The following RNF34 variants were observed in gnomAD, a reference collection of about 807,000 sequenced individuals.
The protein encoded by RNF34 is ring finger protein 34, also known as E3 ubiquitin-protein ligase RNF34.
Under a neutral mutation model 37.9 loss-of-function variants are expected in RNF34, and 12 were observed. The observed-to-expected ratio is 0.32, with a 90% CI of 0.20 to 0.51. The LOEUF is 0.51. Ranked by LOEUF, RNF34 falls within the 20% of genes least tolerant of loss-of-function variation. The pLI, the probability that RNF34 is intolerant of heterozygous loss-of-function variation, is 0.97. For synonymous variants in RNF34, 155 were observed against 177.2 expected (o/e 0.87, Z 1.00); for missense variants, 362 against 472.7 (o/e 0.77, Z 2.17).
intron 1 of RNF34, among the ~76,000 whole-genome samples, chr12:121,406,851 T>C (rs1870589878): frequency 6.6e-6 from 1 of 152,200 alleles, no homozygotes. Context: ...CTATGTTGTT[T>C]TAAACTACAT....
At chr12:121,405,796 C>CT (rs1199533719) in intron 1 of RNF34, among the ~76,000 whole-genome samples, 121 of 137,630 alleles carry the variant, frequency 8.8e-4, no homozygotes, top group African/African-American at 7.5e-4. Flanking sequence ...TGTCTTATTT[C>CT]TTTTTTTTTT....
intron 3 of RNF34, chr12:121,418,199 G>T (rs1208527768): frequency 2.8e-6 from 1 of 360,562 alleles, no homozygotes; most frequent in African/African-American, 2.1e-5. Context: ...AACTGTTGAA[G>T]AAATGGCTGT....
At chr12:121,402,730 T>C in intron 1 of RNF34, 3 of 1,566,570 alleles carry the variant, frequency 1.9e-6, no homozygotes, top group Non-Finnish European at 8.7e-7. Flanking sequence ...TTCCTTTTTT[T>C]TTCTCTGAAA....
chr12:121,407,016 A>T (rs1870608085), intron 1 of RNF34, among the ~76,000 whole-genome samples: 1 of 152,212 alleles, frequency 6.6e-6, no homozygotes, highest in Admixed American at 6.5e-5. Flanking sequence ...TCCCGCCAGC[A>T]GGTAGTGAAC....
At chr12:121,406,609 T>TA (rs1167981082) in intron 1 of RNF34, among the ~76,000 whole-genome samples, 2 of 152,186 alleles carry the variant, frequency 1.3e-5, no homozygotes, top group Non-Finnish European at 2.9e-5. Flanking sequence ...TTAAATACGA[T>TA]ACCTGGTTTT....
intron 3 of RNF34, among the ~76,000 whole-genome samples, chr12:121,419,386 C>T (rs144970416): frequency 4.6e-5 from 7 of 152,328 alleles, no homozygotes; most frequent in African/African-American, 1.7e-4. Context: ...GTCTCCTAGT[C>T]GTCAAGCAAC....
rs973331921 is a variant in RNF34, at chr12:121,406,773, A to G, written c.6+6555A>G. ...TGACTAGAAAATAAACTCCAAACAC[A>G]GGTGAATTCTCTGAGCTTGGAGTTT... On this transcript the variant is annotated intron_variant, in intron 1 of 5. Coordinates refer to ENST00000361234, the MANE Select transcript of RNF34 (RefSeq NM_025126.4). Among the ~76,000 whole-genome samples, 9 of 152,310 alleles carry G rather than the reference A, an allele frequency of 5.9e-5. No homozygotes were observed. In the South Asian group the frequency reaches 1.7e-3, roughly 28 times the overall value.
In RNF34 at chr12:121,419,192, C is replaced by T. The variant is rs1017802227; in HGVS notation, c.634-1050C>T. ...TTTTGTGTTTAGATATGTTTAGATA[C>T]ACAAATACTTATTACTGTGTTATAG... On this transcript the variant is annotated intron_variant, in intron 3 of 5. Coordinates refer to ENST00000361234, the MANE Select transcript of RNF34 (RefSeq NM_025126.4). Among the ~76,000 whole-genome samples the T allele has an allele frequency of 1.8e-4, 28 of 152,138 alleles. 1 individual carries two copies. The highest frequency in any genetic ancestry group is 6.5e-4 in the African/African-American group (27 of 41,412).
At position 121,416,356 on chromosome 12, in the gene RNF34, A is replaced by G. The variant is rs374454541; in HGVS notation, c.204A>G (p.Ser68=). The G allele has an allele frequency of 6.8e-6, 11 of 1,612,472 alleles. No individual in the cohort carries two copies. Among genetic ancestry groups the G allele is most frequent in the Admixed American group, 1.7e-5 (1 of 59,998 alleles). Reference sequence around the variant, plus strand: ...TAGTTTGTAAAGCCTGTGGGCTTTCATTTTCAGTCTTTAGAAAGAAGGTGA... The same window carrying G: ...TAGTTTGTAAAGCCTGTGGGCTTTCGTTTTCAGTCTTTAGAAAGAAGGTGA... ...PNIVCKACGL[S]FSVFRKKHVC... is the part of the protein sequence containing the mutation. The change falls in exon 2 of 6, where the codon TCA becomes TCG. Residue 68 remains serine, a synonymous_variant. Coordinates refer to ENST00000361234, the MANE Select transcript of RNF34 (RefSeq NM_025126.4).
rs1247745696 is a variant in RNF34, at chr12:121,423,913, T to A, written c.*337T>A. On this transcript the variant is annotated 3_prime_UTR_variant, in exon 6 of 6. Transcript: ENST00000361234. This position sits in a 1 kb window ranked among gnomAD's most constrained non-coding sequence, Gnocchi z 4.3. ...CTGTTCTCTTATTTCCCCTTCATCC[T>A]ATTTTTAACTTAAACTGCTCAGATG... is the stretch of plus-strand genomic sequence containing the variant. 8 of 220,748 alleles carry A rather than the reference T, an allele frequency of 3.6e-5. No homozygotes were observed. The Admixed American group carries it at 4.4e-4, about 12-fold the overall frequency. The allele number at this position is 220,748 out of a possible 1,614,324, so 13.7% of individuals were successfully genotyped here.
chr12:121,421,602 T>G (rs115944827), intron 5 of RNF34, among the ~76,000 whole-genome samples: 4,284 of 152,198 alleles, frequency 0.028, 219 homozygotes, highest in African/African-American at 0.099. Flanking sequence ...ACAGAAATTC[T>G]TCCTCAGCTG....
intron 2 of RNF34, chr12:121,416,674 T>G: frequency 3.8e-6 from 1 of 260,930 alleles, no homozygotes; most frequent in Non-Finnish European, 7.5e-6. Flanking sequence ...GTCTGTAGTT[T>G]TGTTCACAAA....
chr12:121,416,074 C>A, intron 1 of RNF34, 85 bp from the exon 2 acceptor site: 1 of 1,085,438 alleles, frequency 9.2e-7, no homozygotes, highest in Non-Finnish European at 1.4e-6. Flanking sequence ...GGCAAACTTA[C>A]CTCTCCAGAA....
intron 2 of RNF34, among the ~76,000 whole-genome samples, chr12:121,416,947 G>T (rs1268582486): frequency 2.0e-5 from 3 of 152,198 alleles, no homozygotes; most frequent in Non-Finnish European, 4.4e-5. Flanking sequence ...ACAATGCAGC[G>T]AGCAGAAACG....
At chr12:121,410,461 C>T (rs880000292) in intron 1 of RNF34, among the ~76,000 whole-genome samples, 10 of 151,028 alleles carry the variant, frequency 6.6e-5, no homozygotes, top group Admixed American at 4.0e-4. Flanking sequence ...TGCTTGAACC[C>T]GGGAGGCAGA....
chr12:121,400,726 G>C (rs543522964), intron 1 of RNF34, among the ~76,000 whole-genome samples: 1 of 152,322 alleles, frequency 6.6e-6, no homozygotes, highest in Non-Finnish European at 1.5e-5. Flanking sequence ...CCCGGAAGGG[G>C]TGCTTCGTAG....
rs190400029 is a variant in RNF34, at chr12:121,420,567, G to A, written c.727-10G>A. ...TGGGACCAGGGCTAATGGATGCTCT[G>A]TGGTTTCAGAACCCCGGGCTCTCCA... On this transcript the variant is annotated splice_polypyrimidine_tract_variant and intron_variant, in intron 4 of 5. Coordinates refer to ENST00000361234, the MANE Select transcript of RNF34 (RefSeq NM_025126.4). The A allele has an allele frequency of 4.3e-6, 7 of 1,613,894 alleles. No individual in the cohort carries two copies. The Admixed American group carries it at 1.2e-4, about 27-fold the overall frequency.
At chr12:121,420,141 C>G (rs1593675881) in intron 3 of RNF34, 101 bp from the exon 4 acceptor site, 1 of 1,088,876 alleles carries the variant, frequency 9.2e-7, no homozygotes, top group East Asian at 2.4e-5. Flanking sequence ...GTGCATTATG[C>G]TGGCTTTCTG....
intron 1 of RNF34, among the ~76,000 whole-genome samples, chr12:121,408,945 G>T (rs1372403044): frequency 1.3e-5 from 2 of 151,944 alleles, no homozygotes; most frequent in African/African-American, 4.8e-5. Context: ...ATTCATTGAA[G>T]AATCAGATTG....
Sources: gnomAD v4.1 joint callset for allele counts (sites outside exome capture counted in the v4.1 genomes callset) on GRCh38, gnomAD v4.1.1 for gene constraint, Gnocchi (gnomAD v3.1) non-coding constraint, MANE v1.5 for transcripts, NCBI Gene and HGNC (gene_info 2026-07-23, HGNC 2026-07-21) for gene names.